TPP2: variants seen among roughly 807,000 people sequenced by gnomAD.
TPP2 encodes tripeptidyl peptidase 2, also known as tripeptidyl-peptidase 2.
In TPP2, 34 loss-of-function variants were observed where a neutral mutation model predicts 155.9. That is an observed-to-expected ratio of 0.22 (90% CI 0.17 to 0.29). The LOEUF (loss-of-function observed/expected upper bound fraction) is 0.29. TPP2 is among the 10% of genes least tolerant of loss of function. TPP2 has a pLI of 1.00. For synonymous variants in TPP2, 510 were observed against 529.4 expected (o/e 0.96, Z 0.50); for missense variants, 1,028 against 1,522.3 (o/e 0.68, Z 5.40).
In TPP2 at chr13:102,597,102, G is replaced by A; in HGVS notation, c.64G>A (p.Gly22Arg). 1 of 1,611,384 alleles carries A rather than the reference G, an allele frequency of 6.2e-7. No individual in the cohort carries two copies. The highest frequency in any genetic ancestry group is 1.3e-5 in the African/African-American group (1 of 74,872). Residue 22 changes from glycine to arginine, a missense_variant, in exon 1 of 30, where the codon GGA (glycine) becomes AGA (arginine). Gly to Arg is a moderately radical substitution (Grantham distance 125, BLOSUM62 -2). Transcript: ENST00000376052. ...FHGLLPKKET[G>R]AASFLCRYPE... Reference sequence around the variant, plus strand: ...CGGTCTCCTGCCGAAGAAGGAGACCGGAGCCGCCTCCTTCCTCTGCCGCTA... The same window carrying A: ...CGGTCTCCTGCCGAAGAAGGAGACCAGAGCCGCCTCCTTCCTCTGCCGCTA...
At position 102,635,656 on chromosome 13, in the gene TPP2, A is replaced by G. The variant is rs781007789; in HGVS notation, c.1463A>G (p.Lys488Arg). The G allele has an allele frequency of 1.2e-6, 2 of 1,613,428 alleles. No individual in the cohort carries two copies. Among genetic ancestry groups the G allele is most frequent in the Admixed American group, 1.7e-5 (1 of 59,980 alleles). Residue 488 changes from lysine (K) to arginine (R), a missense_variant, in exon 12 of 30, where the codon AAG becomes AGG. Around this residue, in one of 7 missense-constraint regions of TPP2, gnomAD observed 325 missense variants for 463.7 expected, o/e 0.70. Transcript: ENST00000376052. ...VRRALENTAV[K>R]ADNIEVFAQG... ...AGAGCTCTAGAAAACACTGCAGTGA[A>G]GGCTGACAATATAGAAGTATTTGCT...
Position 102,644,581 on chromosome 13 carries a change from A to T in TPP2, c.2200A>T (p.Ile734Phe). The T allele has an allele frequency of 6.2e-7, 1 of 1,610,276 alleles. No individual in the cohort carries two copies. ...GGGTGGAAAAGCAATTGAATTTTGC[A>T]TTGCTCGTTGGTGGGCAAGTCTCAG... ...VLGGKAIEFCIARWWASLSDV... is the reference protein window; with the variant it reads ...VLGGKAIEFCFARWWASLSDV... The change falls in exon 18 of 30, where the codon ATT (isoleucine) becomes TTT (phenylalanine). Residue 734 changes from isoleucine (I) to phenylalanine (F), a missense_variant. By Grantham distance (21) the Ile-to-Phe change is conservative. Coordinates refer to ENST00000376052, the MANE Select transcript of TPP2 (RefSeq NM_001330588.2).
chr13:102,637,155 C>A lies in TPP2; in HGVS notation c.1752C>A (p.Ser584Arg). The A allele has an allele frequency of 1.9e-6, 3 of 1,613,058 alleles. No homozygotes were observed. Among genetic ancestry groups the A allele is most frequent in the Non-Finnish European group, 2.5e-6 (3 of 1,179,810 alleles). Residue 584 changes from serine (S) to arginine (R), a missense_variant, in exon 14 of 30, where the codon AGC becomes AGA. Coordinates refer to ENST00000376052, the MANE Select transcript of TPP2 (RefSeq NM_001330588.2). The stretch of plus-strand genomic sequence containing the variant: ...ATTCATCTTGGGTTCAGTGTCCCAG[C>A]CATTTGGAACTCATGAATCAATGTA... ...TSNSSWVQCPSHLELMNQCRH... is the reference protein window; with the variant it reads ...TSNSSWVQCPRHLELMNQCRH...
chr13:102,618,599 T>G, intron 4 of TPP2, 123 bp from the exon 5 acceptor site: 3 of 1,291,678 alleles, frequency 2.3e-6, no homozygotes, highest in Non-Finnish European at 3.1e-6. Flanking sequence ...AACAAAATTT[T>G]CTTACATTTT....
intron 2 of TPP2, among the ~76,000 whole-genome samples, chr13:102,607,235 G>A (rs1266282195): frequency 6.6e-6 from 1 of 152,200 alleles, no homozygotes; most frequent in Non-Finnish European, 1.5e-5. Context: ...TGAAACGCTG[G>A]GGACCAGAAG....
intron 26 of TPP2, among the ~76,000 whole-genome samples, chr13:102,664,490 A>G (rs749879502): frequency 3.3e-5 from 5 of 152,166 alleles, no homozygotes; most frequent in South Asian, 2.1e-4. Context: ...AAAAGGAGTT[A>G]CCTTTGTTAA....
At chr13:102,605,065 A>G in intron 2 of TPP2, 144 bp downstream of exon 2, 1 of 1,306,566 alleles carries the variant, frequency 7.7e-7, no homozygotes, top group Non-Finnish European at 1.1e-6. Flanking sequence ...GTTTAAAATG[A>G]CAAATATTTA....
chr13:102,624,464 A>G (rs1881418416), intron 6 of TPP2, among the ~76,000 whole-genome samples: 1 of 152,182 alleles, frequency 6.6e-6, no homozygotes, highest in African/African-American at 2.4e-5. Context: ...AAGGTAATGA[A>G]CATACTCATT....
At chr13:102,646,941 A>T (rs1009554937) in intron 20 of TPP2, among the ~76,000 whole-genome samples, 5 of 152,242 alleles carry the variant, frequency 3.3e-5, no homozygotes, top group African/African-American at 1.2e-4. Context: ...TTTCAGTTTT[A>T]TAAAGTAATT....
Position 102,600,951 on chromosome 13 carries a change from C to T in TPP2, c.165+3748C>T, listed in dbSNP as rs186231647. Among the ~76,000 whole-genome samples the T allele has an allele frequency of 2.0e-3, 299 of 151,700 alleles. 3 individuals are homozygous for T. The highest frequency in any genetic ancestry group is 6.9e-3 in the African/African-American group (286 of 41,296). On this transcript the variant is annotated intron_variant, in intron 1 of 29. Coordinates refer to ENST00000376052, the MANE Select transcript of TPP2 (RefSeq NM_001330588.2). ...AGGCTGGAGTACAGTGGCACAGTGGCAGGATCACCACTCATTTCAGCCTCA... is the reference window on the plus strand; with the variant it reads ...AGGCTGGAGTACAGTGGCACAGTGGTAGGATCACCACTCATTTCAGCCTCA...
At chr13:102,603,261 A>G (rs969187948) in intron 1 of TPP2, among the ~76,000 whole-genome samples, 41 of 152,256 alleles carry the variant, frequency 2.7e-4, no homozygotes, top group African/African-American at 9.9e-4. Flanking sequence ...TCGTGAATAA[A>G]GTAGACATGG....
chr13:102,629,655 CAAAA>C, intron 9 of TPP2, 46 bp downstream of exon 9: 1 of 1,537,806 alleles, frequency 6.5e-7, no homozygotes, highest in South Asian at 1.3e-5. Context: ...AACAAGCAAA[CAAAA>C]AACAATAGTT....
intron 3 of TPP2, among the ~76,000 whole-genome samples, chr13:102,615,346 C>T (rs1880639184): frequency 6.6e-6 from 1 of 152,092 alleles, no homozygotes; most frequent in South Asian, 2.1e-4. Flanking sequence ...GATGGGGTTT[C>T]ACCATGTTGC....
intron 2 of TPP2, among the ~76,000 whole-genome samples, chr13:102,606,525 A>G (rs1408205287): frequency 6.6e-6 from 1 of 152,192 alleles, no homozygotes; most frequent in Non-Finnish European, 1.5e-5. Flanking sequence ...TGTAAAACTC[A>G]TGATAGCTTG....
intron 9 of TPP2, 123 bp from the exon 10 acceptor site, chr13:102,629,973 C>A: frequency 1.4e-6 from 1 of 726,582 alleles, no homozygotes; most frequent in Non-Finnish European, 2.2e-6. Context: ...AAATTTTATT[C>A]TTCCATCGTA....
chr13:102,622,683 A>C (rs990532087), intron 5 of TPP2, among the ~76,000 whole-genome samples, 194 bp from the exon 6 acceptor site: 7 of 152,176 alleles, frequency 4.6e-5, no homozygotes, highest in African/African-American at 1.7e-4. Flanking sequence ...TGATTTAAGA[A>C]CTGGTTGCTG....
At chr13:102,670,171 T>TG (rs76412065) in intron 27 of TPP2, among the ~76,000 whole-genome samples, 100,053 of 151,274 alleles carry the variant, frequency 0.66, 33,305 homozygotes, top group Middle Eastern at 0.7. Context: ...GTATTGTGGG[T>TG]GGGGGGGTGT....
At chr13:102,633,409 T>C (rs1882154523) in intron 10 of TPP2, among the ~76,000 whole-genome samples, 1 of 152,250 alleles carries the variant, frequency 6.6e-6, no homozygotes, top group South Asian at 2.1e-4. Flanking sequence ...CATTTTTCTT[T>C]GTATCTATTA....
At chr13:102,623,256 T>G (rs542205303) in intron 6 of TPP2, among the ~76,000 whole-genome samples, 1 of 152,274 alleles carries the variant, frequency 6.6e-6, no homozygotes, top group African/African-American at 2.4e-5. Context: ...TAAAAGCATG[T>G]TCCAACATCA....
Sources: allele counts gnomAD v4.1 joint callset (sites outside exome capture counted in the v4.1 genomes callset), GRCh38; gene constraint gnomAD v4.1.1; regional missense constraint gnomAD v4.1.1; transcripts MANE v1.5; gene names NCBI Gene and HGNC (gene_info 2026-07-23, HGNC 2026-07-21).